Variants in ZFP91 observed in about 807,000 individuals in gnomAD.
The protein encoded by ZFP91 is E3 ubiquitin-protein ligase ZFP91.
Under a neutral mutation model 63.5 loss-of-function variants are expected in ZFP91, and 7 were observed. That is an observed-to-expected ratio of 0.11 (90% CI 0.06 to 0.21). The LOEUF (loss-of-function observed/expected upper bound fraction) is 0.21. Among genes scored for constraint, ZFP91 ranks in the 10% least tolerant of loss-of-function variants. ZFP91 has a pLI of 1.00. For synonymous variants in ZFP91, 330 were observed against 272.1 expected, an observed-to-expected ratio of 1.21 and a Z score of -2.10; for missense variants, 628 against 736.6, an observed-to-expected ratio of 0.85 and a Z score of 1.71.
Position 58,617,791 on chromosome 11 carries a change from A to T in ZFP91, c.*85A>T. On this transcript the variant is annotated 3_prime_UTR_variant, in exon 11 of 11. Transcript: ENST00000316059. This position sits in a 1 kb window ranked among gnomAD's most constrained non-coding sequence, Gnocchi z 4.2. ...ACAAAAAAAAAATCTAAAGCATTTA[A>T]AATCTAGTGAAATAACTGAAGGGCC... The T allele has an allele frequency of 7.0e-7, 1 of 1,432,752 alleles. No homozygotes were observed. The highest frequency in any genetic ancestry group is 9.1e-7 in the Non-Finnish European group (1 of 1,099,434). 88.8% of individuals were successfully genotyped at this position (1,432,752 alleles called of 1,614,324 possible).
Position 58,610,242 on chromosome 11 carries a change from A to C in ZFP91, c.581-56A>C, listed in dbSNP as rs574791041. 9 of 1,548,356 alleles carry C rather than the reference A, an allele frequency of 5.8e-6. No individual in the cohort carries two copies. In the East Asian group the frequency reaches 1.8e-4, roughly 31 times the overall value. On this transcript the variant is annotated intron_variant, in intron 3 of 10. Transcript: ENST00000316059. ...TGATTTGCATTTCTTGACTGCAGAG[A>C]GAAAATATCTTATATCTACACTAAT...
chr11:58,603,083 AACATGTTATTGGACAGTGG>A lies in ZFP91; in HGVS notation c.371-6745_371-6727del, dbSNP rs1309597334. Among the ~76,000 whole-genome samples, 6 of 152,310 alleles carry A rather than the reference AACATGTTATTGGACAGTGG, an allele frequency of 3.9e-5. No homozygotes were observed. In the East Asian group the frequency reaches 1.2e-3, roughly 29 times the overall value. The stretch of plus-strand genomic sequence containing the variant: ...GATGAGGCCTTAGAAGGAAATGATG[AACATGTTATTGGACAGTGG>A]AGAAAAGGTGATCCTTGTTATAAAG... On this transcript the variant is annotated intron_variant, in intron 2 of 10. Coordinates refer to ENST00000316059, the MANE Select transcript of ZFP91 (RefSeq NM_053023.5).
chr11:58,581,709 A>G (rs1490312179), intron 1 of ZFP91, among the ~76,000 whole-genome samples: 1 of 152,224 alleles, frequency 6.6e-6, no homozygotes, highest in African/African-American at 2.4e-5. Flanking sequence ...CTAAAACAGT[A>G]ATTTTACCTG....
rs1416843916 is a variant in ZFP91 at position 58,620,438 on chromosome 11, T to G, written c.*2732T>G. The G allele has an allele frequency of 6.6e-6, 1 of 152,548 alleles. No homozygotes were observed. Among genetic ancestry groups the G allele is most frequent in the Non-Finnish European group, 1.5e-5 (1 of 68,042 alleles). 9.4% of individuals were successfully genotyped at this position (152,548 alleles called of 1,614,324 possible). On this transcript the variant is annotated 3_prime_UTR_variant, in exon 11 of 11. Transcript: ENST00000316059. ...TATTTCCATCTTGAATTGGTGGTTC[T>G]AAATTCTGAAACTGTAGTTGAGATA...
At chr11:58,615,188 A>G (rs897586551) in intron 9 of ZFP91, among the ~76,000 whole-genome samples, 4 of 152,224 alleles carry the variant, frequency 2.6e-5, no homozygotes, top group African/African-American at 4.8e-5. Context: ...ATAAAATGCT[A>G]TTGACTACAC....
At chr11:58,591,513 T>C (rs1040374157) in intron 2 of ZFP91, among the ~76,000 whole-genome samples, 4 of 152,226 alleles carry the variant, frequency 2.6e-5, no homozygotes, top group Admixed American at 6.5e-5. Flanking sequence ...GTACATTGTA[T>C]GAATTGCACA....
intron 2 of ZFP91, among the ~76,000 whole-genome samples, chr11:58,609,067 T>A (rs1208788948): frequency 6.6e-6 from 1 of 152,224 alleles, no homozygotes; most frequent in Non-Finnish European, 1.5e-5. Flanking sequence ...TAAAATGGGC[T>A]CAATTCTAAT....
At chr11:58,595,493 G>A (rs1262941832) in intron 2 of ZFP91, among the ~76,000 whole-genome samples, 3 of 151,732 alleles carry the variant, frequency 2.0e-5, no homozygotes, top group Non-Finnish European at 4.4e-5. Flanking sequence ...ATCTCTGGCT[G>A]TAGGATTGAG....
chr11:58,612,543 T>C (rs1855683929), intron 7 of ZFP91: 1 of 620,824 alleles, frequency 1.6e-6, no homozygotes, highest in Non-Finnish European at 2.8e-6. Flanking sequence ...CTTTGGGGGG[T>C]CATTAGTTTA....
chr11:58,581,272 A>G (rs905615158), intron 1 of ZFP91, among the ~76,000 whole-genome samples: 5 of 152,192 alleles, frequency 3.3e-5, no homozygotes, highest in Non-Finnish European at 7.3e-5. Context: ...ATATTTTTAA[A>G]ATTTCCTTTT....
In ZFP91 at chr11:58,617,072, G is replaced by T. The variant is rs1337181850; in HGVS notation, c.1203-124G>T. The T allele has an allele frequency of 2.2e-4, 50 of 229,416 alleles. No individual in the cohort carries two copies. Among genetic ancestry groups the T allele is most frequent in the Non-Finnish European group, 3.2e-4 (43 of 132,684 alleles). The allele number at this position is 229,416 out of a possible 1,614,324, so 14.2% of individuals were successfully genotyped here. On this transcript the variant is annotated intron_variant, in intron 10 of 10. Coordinates refer to ENST00000316059, the MANE Select transcript of ZFP91 (RefSeq NM_053023.5). The surrounding 1 kb of genome is among the most constrained non-coding windows in gnomAD (Gnocchi z 4.2). ...CAAAAGAAGTATGTTACTGATTATT[G>T]TGTGTGTGTGTGTGTGTGTGTGTGT...
At chr11:58,611,885 G>C in intron 6 of ZFP91, 147 bp downstream of exon 6, 1 of 896,626 alleles carries the variant, frequency 1.1e-6, no homozygotes, top group Non-Finnish European at 1.6e-6. Flanking sequence ...TCAAGCAGCT[G>C]ACAATTTCAC....
intron 1 of ZFP91, among the ~76,000 whole-genome samples, chr11:58,582,811 C>T (rs1429353330): frequency 1.3e-5 from 2 of 151,992 alleles, no homozygotes; most frequent in Non-Finnish European, 2.9e-5. Context: ...TCACAATGAA[C>T]TATTTAGGGG....
At chr11:58,614,552 T>C (rs537305701) in intron 9 of ZFP91, among the ~76,000 whole-genome samples, 4 of 152,326 alleles carry the variant, frequency 2.6e-5, no homozygotes, top group African/African-American at 9.6e-5. Flanking sequence ...CTTCTTGAAC[T>C]TCTATGACCG....
In ZFP91 at chr11:58,617,547, A is replaced by T; in HGVS notation, c.1554A>T (p.Ser518=). 1 of 1,613,930 alleles carries T rather than the reference A, an allele frequency of 6.2e-7. No individual in the cohort carries two copies. The highest frequency in any genetic ancestry group is 8.5e-7 in the Non-Finnish European group (1 of 1,179,914). The change falls in exon 11 of 11, where the codon TCA becomes TCT. Residue 518 remains serine (S), a synonymous_variant. Coordinates refer to ENST00000316059, the MANE Select transcript of ZFP91 (RefSeq NM_053023.5). This position sits in a 1 kb window ranked among gnomAD's most constrained non-coding sequence, Gnocchi z 4.2. ...TAGAAGCTGAAGGGATGTCAAAGTC[A>T]TACTGCAGTGGGACGGAACGGGTGA... ...LLLEAEGMSK[S]YCSGTERVSL... is the part of the protein sequence containing the mutation.
intron 6 of ZFP91, chr11:58,611,960 T>TTA: frequency 1.8e-6 from 1 of 555,010 alleles, no homozygotes; most frequent in Non-Finnish European, 3.1e-6. Context: ...AAGGTATTTT[T>TTA]TAATCTTAGT....
chr11:58,616,682 A>C (rs1312442016), intron 9 of ZFP91, 34 bp from the exon 10 acceptor site: 1 of 1,586,160 alleles, frequency 6.3e-7, no homozygotes, highest in Non-Finnish European at 8.7e-7. Flanking sequence ...CAGGGTATCT[A>C]AATAGAACAC....
intron 1 of ZFP91, among the ~76,000 whole-genome samples, chr11:58,579,838 C>T (rs1213921281): frequency 6.6e-6 from 1 of 152,110 alleles, no homozygotes; most frequent in East Asian, 1.9e-4. Context: ...GGGCCGTTTC[C>T]CCACTCCCCG....
At chr11:58,611,905 T>G (rs1855671413) in intron 6 of ZFP91, 167 bp downstream of exon 6, 1 of 707,624 alleles carries the variant, frequency 1.4e-6, no homozygotes, top group South Asian at 2.8e-5. Context: ...CTGGAGAGAC[T>G]CTTAGTAAAA....
Sources: allele counts gnomAD v4.1 joint callset (sites outside exome capture counted in the v4.1 genomes callset), GRCh38; gene constraint gnomAD v4.1.1; non-coding constraint Gnocchi (gnomAD v3.1); transcripts MANE v1.5; gene names NCBI Gene and HGNC (gene_info 2026-07-23, HGNC 2026-07-21).